Variants in CCDC138 observed in about 807,000 individuals in gnomAD.
CCDC138 encodes the protein coiled-coil domain containing 138, also known as coiled-coil domain-containing protein 138.
In CCDC138, 66 loss-of-function variants were observed where a neutral mutation model predicts 82.3. That is an observed-to-expected ratio of 0.80 (90% CI 0.66 to 0.98). CCDC138 has a LOEUF of 0.98. Ranked by LOEUF, CCDC138 falls within the 50% of genes least tolerant of loss-of-function variation. The probability of loss-of-function intolerance (pLI) is 0.00; values close to 1 mark genes in which losing one functional copy is unlikely to be tolerated. For synonymous variants in CCDC138, 297 were observed against 265.4 expected (o/e 1.12, Z -1.16); for missense variants, 816 against 758.9 (o/e 1.08, Z -0.88).
chr2:108,792,596 C>G (rs1430255055), intron 4 of CCDC138, among the ~76,000 whole-genome samples: 1 of 152,178 alleles, frequency 6.6e-6, no homozygotes, highest in Non-Finnish European at 1.5e-5. Context: ...GTGAATGTGC[C>G]TTTCACTTTT....
chr2:108,884,246 A>T (rs1321774331), intron 2 of CCDC138: 1 of 152,226 alleles, frequency 6.6e-6, no homozygotes, highest in Non-Finnish European at 1.5e-5. Context: ...ATCTGGGCCC[A>T]ACTTGCTTTA....
At chr2:108,788,341 AC>A (rs1208511024) in intron 2 of CCDC138, among the ~76,000 whole-genome samples, 5 of 151,466 alleles carry the variant, frequency 3.3e-5, no homozygotes, top group Non-Finnish European at 7.4e-5. Context: ...AATCGGTTGA[AC>A]CCGGGAGGCA....
intron 13 of CCDC138, among the ~76,000 whole-genome samples, chr2:108,865,594 CT>C (rs1177922831): frequency 6.6e-6 from 1 of 152,190 alleles, no homozygotes; most frequent in Non-Finnish European, 1.5e-5. Context: ...TCTTTCAAAC[CT>C]TCATGCCAGT....
At chr2:108,858,723 TA>T (rs1693056671) in intron 13 of CCDC138, among the ~76,000 whole-genome samples, 1 of 152,114 alleles carries the variant, frequency 6.6e-6, no homozygotes, top group East Asian at 1.9e-4. Flanking sequence ...ATTTTAGATT[TA>T]GGGGGTACAT....
In CCDC138 at chr2:108,786,849, G is replaced by A. The variant is rs113387415; in HGVS notation, c.27G>A (p.Pro9=). 10,105 of 1,593,748 alleles carry A rather than the reference G, an allele frequency of 6.3e-3. 79 individuals are homozygous for A. Among genetic ancestry groups the A allele is most frequent in the Non-Finnish European group, 6.4e-3 (7,504 of 1,171,688 alleles). MEPRVVKP[P]GQDLVVESLK... ...TGGAGCCGAGGGTCGTCAAGCCACC[G>A]GGGCAGGATTTAGTAGTGGAGAGTC... The change falls in exon 1 of 15, where the codon CCG becomes CCA. Residue 9 remains proline (P), a synonymous_variant. Transcript: ENST00000295124.
chr2:108,870,814 G>A (rs1695120272), intron 13 of CCDC138, among the ~76,000 whole-genome samples: 1 of 152,220 alleles, frequency 6.6e-6, no homozygotes, highest in African/African-American at 2.4e-5. Context: ...TGTTGGGGAA[G>A]AGGGAAATGG....
chr2:108,798,657 AT>A (rs1264207989), intron 6 of CCDC138, 71 bp downstream of exon 6: 6 of 1,187,682 alleles, frequency 5.1e-6, no homozygotes, highest in Admixed American at 2.2e-5. Flanking sequence ...AGTTACTAAC[AT>A]TTTGTCACAT....
chr2:108,794,503 A>C, intron 4 of CCDC138, 37 bp from the exon 5 acceptor site: 1 of 1,547,222 alleles, frequency 6.5e-7, no homozygotes, highest in Non-Finnish European at 8.8e-7. Flanking sequence ...ACAATAAGTT[A>C]ATAAAGTTTA....
chr2:108,830,700 T>C (rs1207892901), intron 10 of CCDC138, among the ~76,000 whole-genome samples: 2 of 151,628 alleles, frequency 1.3e-5, no homozygotes, highest in Admixed American at 6.6e-5. Flanking sequence ...CCCAGCTACT[T>C]GGGAGGCTGA....
At chr2:108,810,967 T>G (rs1683702642) in intron 7 of CCDC138, among the ~76,000 whole-genome samples, 1 of 152,146 alleles carries the variant, frequency 6.6e-6, no homozygotes, top group South Asian at 2.1e-4. Flanking sequence ...TTTGTTGGCA[T>G]ATAGTTGTTT....
downstream of CCDC138, among the ~76,000 whole-genome samples, chr2:108,880,432 T>G (rs984832372): frequency 6.6e-6 from 1 of 152,236 alleles, no homozygotes. Context: ...CCATGAATTA[T>G]GAACTTTCTT....
At chr2:108,841,712 T>G (rs770387161) in intron 11 of CCDC138, among the ~76,000 whole-genome samples, 8 of 152,188 alleles carry the variant, frequency 5.3e-5, no homozygotes, top group Non-Finnish European at 1.0e-4. Flanking sequence ...TTAATTGGTG[T>G]TTTAGGCCAT....
At chr2:108,837,102 T>C (rs971297) in intron 10 of CCDC138, among the ~76,000 whole-genome samples, 132,807 of 152,196 alleles carry the variant, frequency 0.87, 58,334 homozygotes, top group East Asian at 1. Flanking sequence ...GTGGTGAGGG[T>C]GTGCTTGTCT....
chr2:108,820,617 A>G (rs1685517572), intron 10 of CCDC138, among the ~76,000 whole-genome samples: 1 of 151,056 alleles, frequency 6.6e-6, no homozygotes, highest in Non-Finnish European at 1.5e-5. Flanking sequence ...GTCACGTTCA[A>G]GGGAGTTCTA....
At chr2:108,840,813 T>C (rs1269428179) in intron 11 of CCDC138, among the ~76,000 whole-genome samples, 1 of 151,720 alleles carries the variant, frequency 6.6e-6, no homozygotes, top group East Asian at 1.9e-4. Flanking sequence ...TCTTTTTTTC[T>C]TTTTATTTTT....
chr2:108,807,720 C>T (rs1423817508), intron 7 of CCDC138, among the ~76,000 whole-genome samples: 2 of 152,100 alleles, frequency 1.3e-5, no homozygotes, highest in South Asian at 2.1e-4. Flanking sequence ...TGGACTCAAG[C>T]GATTCTCCTG....
intron 2 of CCDC138, chr2:108,884,371 T>A (rs1051126598): frequency 6.6e-6 from 1 of 152,314 alleles, no homozygotes; most frequent in East Asian, 1.9e-4. Context: ...AGCAGTGTAA[T>A]TCCACAAGGC....
chr2:108,859,780 T>G (rs1693258358), intron 13 of CCDC138, among the ~76,000 whole-genome samples: 1 of 152,154 alleles, frequency 6.6e-6, no homozygotes, highest in South Asian at 2.1e-4. Flanking sequence ...TTTGGCTGTT[T>G]GGGCTCATTC....
At chr2:108,800,116 C>T (rs550472257) in intron 6 of CCDC138, among the ~76,000 whole-genome samples, 1 of 152,062 alleles carries the variant, frequency 6.6e-6, no homozygotes, top group Non-Finnish European at 1.5e-5. Flanking sequence ...GGCTTAGTCA[C>T]ATTGTTTGGT....
Sources: allele counts gnomAD v4.1 joint callset (sites outside exome capture counted in the v4.1 genomes callset), GRCh38; gene constraint gnomAD v4.1.1; transcripts MANE v1.5; gene names NCBI Gene and HGNC (gene_info 2026-07-23, HGNC 2026-07-21).